The following ZNF385D variants were observed in gnomAD, a reference collection of about 807,000 sequenced individuals.
ZNF385D encodes the protein zinc finger protein 659.
Under a neutral mutation model 35.8 loss-of-function variants are expected in ZNF385D, and 15 were observed. The ratio of observed to expected loss-of-function variants is 0.42; its 90% CI spans 0.28 to 0.64. The LOEUF (loss-of-function observed/expected upper bound fraction) is 0.64. Ranked by LOEUF, ZNF385D falls within the 30% of genes least tolerant of loss-of-function variation. The pLI, the probability that ZNF385D is intolerant of heterozygous loss-of-function variation, is 0.23. For missense variants in ZNF385D, 474 were observed against 494.6 expected (o/e 0.96, Z 0.39); for synonymous variants, 212 against 186.8 (o/e 1.13, Z -1.10).
At chr3:21,998,990 T>C (rs1035651090) in intron 3 of ZNF385D, among the ~76,000 whole-genome samples, 53 of 152,306 alleles carry the variant, frequency 3.5e-4, no homozygotes, top group African/African-American at 1.1e-3. Flanking sequence ...TGGCATCCAA[T>C]TGAGATAGTT....
Position 21,631,733 on chromosome 3 carries a change from T to C in ZNF385D, c.165+33153A>G, listed in dbSNP as rs1353368269. On this transcript the variant is annotated intron_variant, in intron 2 of 7. Coordinates refer to ENST00000281523, the MANE Select transcript of ZNF385D (RefSeq NM_024697.3). ...TACTTTTTGGCTTTCTTTTTTAAAC[T>C]AAGTCAGGATTTGAGATAGAGGAAA... Among the ~76,000 whole-genome samples, 3 of 152,088 alleles carry C rather than the reference T, an allele frequency of 2.0e-5. No individual in the cohort carries two copies. The East Asian group carries it at 5.8e-4, about 29-fold the overall frequency.
intron 3 of ZNF385D, among the ~76,000 whole-genome samples, chr3:21,796,321 CA>C (rs2072148298): frequency 1.3e-5 from 2 of 152,068 alleles, no homozygotes; most frequent in Admixed American, 1.3e-4. Flanking sequence ...TACTAAAACC[CA>C]ACAAGAACAC....
At chr3:21,917,829 A>C (rs1700263005) in intron 3 of ZNF385D, among the ~76,000 whole-genome samples, 1 of 152,216 alleles carries the variant, frequency 6.6e-6, no homozygotes, top group Non-Finnish European at 1.5e-5. Context: ...TTTCCACTAT[A>C]TCCATTGGTG....
chr3:22,331,209 A>T (rs907360378), intron 2 of ZNF385D, among the ~76,000 whole-genome samples: 2 of 151,802 alleles, frequency 1.3e-5, no homozygotes, highest in East Asian at 1.9e-4. Flanking sequence ...GCCATTTATT[A>T]TTTTTTTTAG....
rs571416530 is a variant in ZNF385D, at chr3:22,356,696, G to T, written c.106+15754C>A. On this transcript the variant is annotated intron_variant, in intron 2 of 5. Coordinates refer to the ZNF385D transcript ENST00000494108. Reference sequence around the variant, plus strand: ...AATTCCTTAAGAGATGGCAATAGAGGAATCGACGACAAATCAAAGACAATG... The same window carrying T: ...AATTCCTTAAGAGATGGCAATAGAGTAATCGACGACAAATCAAAGACAATG... Among the ~76,000 whole-genome samples the T allele has an allele frequency of 1.2e-4, 18 of 151,978 alleles. No homozygotes were observed. In the Middle Eastern group the frequency reaches 0.01, roughly 86 times the overall value.
chr3:21,828,094 CATAAAT>C (rs1303577614), intron 3 of ZNF385D, among the ~76,000 whole-genome samples: 2 of 152,130 alleles, frequency 1.3e-5, no homozygotes, highest in African/African-American at 4.8e-5. Flanking sequence ...TGTCTGTAAG[CATAAAT>C]ATAAACCATG....
intron 3 of ZNF385D, among the ~76,000 whole-genome samples, chr3:22,068,352 G>T (rs1018439072): frequency 2.0e-5 from 3 of 151,870 alleles, no homozygotes; most frequent in African/African-American, 4.8e-5. Flanking sequence ...ACACTTTACC[G>T]CCTGTCCCTT....
intron 2 of ZNF385D, among the ~76,000 whole-genome samples, chr3:22,283,794 G>C (rs1027248133): frequency 1.4e-4 from 21 of 152,104 alleles, no homozygotes; most frequent in African/African-American, 4.8e-4. Context: ...ATTTTATTTG[G>C]ATTCCCTGTA....
At chr3:21,601,029 C>G (rs963449867) in intron 2 of ZNF385D, among the ~76,000 whole-genome samples, 9 of 151,888 alleles carry the variant, frequency 5.9e-5, no homozygotes, top group African/African-American at 2.2e-4. Flanking sequence ...GGAACACTTA[C>G]TATTTTAATA....
chr3:22,116,972 TA>T (rs1322033882), intron 3 of ZNF385D, among the ~76,000 whole-genome samples: 2 of 151,978 alleles, frequency 1.3e-5, no homozygotes, highest in African/African-American at 4.8e-5. Context: ...TAAAATTTGT[TA>T]CCCTCTTTCA....
At chr3:22,280,204 T>C (rs1488473551) in intron 2 of ZNF385D, among the ~76,000 whole-genome samples, 1 of 152,120 alleles carries the variant, frequency 6.6e-6, no homozygotes. Context: ...ATTGTGAAGA[T>C]TTTCTCCCAC....
At position 22,099,866 on chromosome 3, in the gene ZNF385D, T is replaced by C. The variant is rs114010189; in HGVS notation, c.325+68951A>G. On this transcript the variant is annotated intron_variant, in intron 3 of 5. Transcript: ENST00000494108. ...AACAGATTGGAGCCTGGTTGTAGAA[T>C]GTATAGAATATTAGGCCAAAGAACT... 3.5e-3 allele frequency among the ~76,000 whole-genome samples: 529 copies of C among 152,116 alleles called. 7 individuals are homozygous for C. Among genetic ancestry groups the C allele is most frequent in the African/African-American group, 0.012 (507 of 41,528 alleles).
chr3:21,944,290 C>G lies in ZNF385D; in HGVS notation c.325+224527G>C, dbSNP rs1403363961. On this transcript the variant is annotated intron_variant, in intron 3 of 5. Transcript: ENST00000494108. ...ATAGAAGGTCGTCTCTGCAGATTTT[C>G]TCTTGCCTTCTTGTTTTACCAGAGG... 2.0e-5 allele frequency among the ~76,000 whole-genome samples: 3 copies of G among 152,284 alleles called. No individual in the cohort carries two copies. In the East Asian group the frequency reaches 5.8e-4, roughly 29 times the overall value.
At chr3:22,067,744 C>T (rs1700027210) in intron 3 of ZNF385D, among the ~76,000 whole-genome samples, 2 of 152,180 alleles carry the variant, frequency 1.3e-5, no homozygotes, top group Admixed American at 6.5e-5. Context: ...AAATATCTGG[C>T]TGGGCATGGT....
intron 3 of ZNF385D, among the ~76,000 whole-genome samples, chr3:21,788,581 G>C (rs2071796606): frequency 6.6e-6 from 1 of 152,198 alleles, no homozygotes; most frequent in Non-Finnish European, 1.5e-5. Context: ...CATTGTCTTT[G>C]AATCAATCCA....
At chr3:22,199,899 A>T (rs1407807492) in intron 2 of ZNF385D, among the ~76,000 whole-genome samples, 1 of 152,128 alleles carries the variant, frequency 6.6e-6, no homozygotes, top group East Asian at 1.9e-4. Flanking sequence ...AACAATAACA[A>T]TAGCAATGAC....
upstream of ZNF385D, among the ~76,000 whole-genome samples, chr3:21,753,258 T>C (rs982770234): frequency 6.6e-6 from 1 of 152,208 alleles, no homozygotes; most frequent in African/African-American, 2.4e-5. Context: ...GAAACAGTTG[T>C]CTTACTATTT....
intron 3 of ZNF385D, among the ~76,000 whole-genome samples, chr3:21,976,287 G>A (rs1703619340): frequency 6.6e-6 from 1 of 152,074 alleles, no homozygotes; most frequent in African/African-American, 2.4e-5. Flanking sequence ...AGAAAAAATA[G>A]ACAACAGAAA....
intron 2 of ZNF385D, among the ~76,000 whole-genome samples, chr3:21,616,637 A>G (rs2064855175): frequency 6.6e-6 from 1 of 152,168 alleles, no homozygotes; most frequent in African/African-American, 2.4e-5. Flanking sequence ...AAAAAGATTC[A>G]TGTTCCCATG....
Sources: allele counts gnomAD v4.1 joint callset (sites outside exome capture counted in the v4.1 genomes callset), GRCh38; gene constraint gnomAD v4.1.1; transcripts MANE v1.5; gene names NCBI Gene and HGNC (gene_info 2026-07-23, HGNC 2026-07-21).